BID: variants seen among roughly 807,000 people sequenced by gnomAD.
BID encodes BH3-interacting domain death agonist.
Under a neutral mutation model 17.4 loss-of-function variants are expected in BID, and 19 were observed. The ratio of observed to expected loss-of-function variants is 1.09; its 90% CI spans 0.76 to 1.60. BID has a LOEUF of 1.60. Among genes scored for constraint, BID ranks in the 40% most tolerant of loss-of-function variants. The probability of loss-of-function intolerance (pLI) is 0.00; values close to 1 mark genes in which losing one functional copy is unlikely to be tolerated. For synonymous variants in BID, 108 were observed against 102.8 expected (o/e 1.05, Z -0.31); for missense variants, 226 against 256.0 (o/e 0.88, Z 0.80).
rs945674317 is a variant in BID, at chr22:17,770,989, A to G, written c.-59+3392T>C. 9.2e-5 allele frequency among the ~76,000 whole-genome samples: 14 copies of G among 152,300 alleles called. 1 individual carries two copies. The highest frequency in any genetic ancestry group is 3.4e-3 in the Middle Eastern group (1 of 294). ...CTCCTCCCCTGGGGCCACAGCAGCC[A>G]CAGAGGCCACCCACGGCTTCCACTA... On this transcript the variant is annotated intron_variant, in intron 1 of 5. Coordinates refer to ENST00000622694, the MANE Select transcript of BID (RefSeq NM_001196.4).
At chr22:17,755,260 A>G (rs2061573735) in intron 1 of BID, among the ~76,000 whole-genome samples, 1 of 151,782 alleles carries the variant, frequency 6.6e-6, no homozygotes, top group South Asian at 2.1e-4. Flanking sequence ...ATTTAGGAAC[A>G]TCGTGCTGCT....
At chr22:17,751,364 G>C (rs2061538455) in intron 1 of BID, among the ~76,000 whole-genome samples, 1 of 150,832 alleles carries the variant, frequency 6.6e-6, no homozygotes, top group Admixed American at 6.6e-5. Context: ...GGGCGACAGA[G>C]CGAGACTCCG....
intron 2 of BID, among the ~76,000 whole-genome samples, chr22:17,747,640 A>C (rs2061503385): frequency 6.6e-6 from 1 of 152,140 alleles, no homozygotes; most frequent in South Asian, 2.1e-4. Context: ...ACTTTTGATA[A>C]AAGAATTGAT....
rs953937471 is a variant in BID, at chr22:17,769,882, C to T, written c.-59+4499G>A. On this transcript the variant is annotated intron_variant, in intron 1 of 5. Transcript: ENST00000622694. This position sits in a 1 kb window ranked among gnomAD's most constrained non-coding sequence, Gnocchi z 4.8. Reference sequence around the variant, plus strand: ...TACCAGGCCTGGTCACGTGGTGCCCCGCCAGGCTTGGGGGTGTGCACTTGC... The same window carrying T: ...TACCAGGCCTGGTCACGTGGTGCCCTGCCAGGCTTGGGGGTGTGCACTTGC... 2.6e-5 allele frequency among the ~76,000 whole-genome samples: 4 copies of T among 152,236 alleles called. No homozygotes were observed. Among genetic ancestry groups the T allele is most frequent in the South Asian group, 2.1e-4 (1 of 4,826 alleles).
At chr22:17,736,328 G>A (rs1250515382) in intron 5 of BID, among the ~76,000 whole-genome samples, 1 of 151,978 alleles carries the variant, frequency 6.6e-6, no homozygotes, top group African/African-American at 2.4e-5. Context: ...ATGGTGGTGT[G>A]TGCCTGTAAT....
intron 1 of BID, among the ~76,000 whole-genome samples, chr22:17,753,281 T>G (rs2145896663): frequency 6.6e-6 from 1 of 152,264 alleles, no homozygotes; most frequent in African/African-American, 2.4e-5. Flanking sequence ...ATGGGACATT[T>G]TCTATCAAAT....
At chr22:17,757,402 CAAA>C (rs34545330) in intron 1 of BID, among the ~76,000 whole-genome samples, 23 of 61,042 alleles carry the variant, frequency 3.8e-4, no homozygotes, top group East Asian at 5.4e-4. Context: ...GACCCTGTCC[CAAA>C]AAAAAAAAAA....
intron 1 of BID, among the ~76,000 whole-genome samples, chr22:17,759,014 C>T (rs1007391777): frequency 3.3e-5 from 5 of 152,070 alleles, no homozygotes; most frequent in Admixed American, 6.6e-5. Flanking sequence ...GGGCGGATCA[C>T]AAGGTCAAGA....
intron 1 of BID, among the ~76,000 whole-genome samples, chr22:17,767,345 C>T (rs186422356): frequency 6.6e-6 from 1 of 152,180 alleles, no homozygotes; most frequent in Admixed American, 6.5e-5. Flanking sequence ...GAATAGAGTT[C>T]CTCCAATTCA....
chr22:17,756,865 TGCC>T (rs1377999331), intron 1 of BID, among the ~76,000 whole-genome samples: 3 of 151,934 alleles, frequency 2.0e-5, no homozygotes, highest in South Asian at 2.1e-4. Flanking sequence ...TGAGCCACTA[TGCC>T]GGCCGCAAAG....
At chr22:17,771,061 C>G (rs1258054497) in intron 1 of BID, among the ~76,000 whole-genome samples, 1 of 152,224 alleles carries the variant, frequency 6.6e-6, no homozygotes, top group East Asian at 1.9e-4. Context: ...AAGTGACCAG[C>G]CCCCTTTCAG....
Position 17,769,337 on chromosome 22 carries a change from G to A in BID, c.-59+5044C>T, listed in dbSNP as rs3788284. ...AGCTGGGCTCCCTGCTCAGTTGGCC[G>A]GGTTTGGGGCTGGATGTCTGCAGGG... On this transcript the variant is annotated intron_variant, in intron 1 of 5. Transcript: ENST00000622694. The surrounding 1 kb of genome is among the most constrained non-coding windows in gnomAD (Gnocchi z 4.8). Among the ~76,000 whole-genome samples, 120 of 152,234 alleles carry A rather than the reference G, an allele frequency of 7.9e-4. No individual in the cohort carries two copies. The highest frequency in any genetic ancestry group is 2.7e-3 in the African/African-American group (114 of 41,538).
In BID at chr22:17,738,017, A is replaced by T; in HGVS notation, c.576T>A (p.Asn192Lys). Residue 192 changes from asparagine (N) to lysine (K), a missense_variant and splice_region_variant, in exon 5 of 6, where the codon AAT becomes AAA. Physicochemically the swap from Asn to Lys is moderately conservative, Grantham distance 94 (BLOSUM62 0). Transcript: ENST00000622694. ...LRTYVRSLARNGMD is the reference protein window; with the variant it reads ...LRTYVRSLARKGMD ...AGGAGCTGACCTCAAGGGTTCTTAC[A>T]TTTCTGGCTAAGCTCCTCACGTAGG... The T allele has an allele frequency of 6.2e-7, 1 of 1,614,022 alleles. No homozygotes were observed. The highest frequency in any genetic ancestry group is 8.5e-7 in the Non-Finnish European group (1 of 1,179,922).
rs575351241 is a variant in BID, at chr22:17,739,404, G to A, written c.308C>T (p.Pro103Leu). 1.5e-5 allele frequency: 24 copies of A among 1,610,778 alleles called. No individual in the cohort carries two copies. Among genetic ancestry groups the A allele is most frequent in the Non-Finnish European group, 1.9e-5 (22 of 1,179,624 alleles). Residue 103 changes from proline (P) to leucine (L), a missense_variant, in exon 4 of 6, where the codon CCG becomes CTG. Pro to Leu is a moderately conservative substitution (Grantham distance 98, BLOSUM62 -3). Transcript: ENST00000622694. ...CAGGGCCAGGCCGTTCACCAGGCCC[G>A]GAGGGATGCTACGGTCCATGCTGTC... ...VGDSMDRSIP[P>L]GLVNGLALQL...
intron 1 of BID, among the ~76,000 whole-genome samples, chr22:17,765,055 G>A (rs1398713521): frequency 6.6e-6 from 1 of 152,138 alleles, no homozygotes; most frequent in African/African-American, 2.4e-5. Flanking sequence ...CTGATGAGGG[G>A]TGGGGGTAGA....
intron 1 of BID, among the ~76,000 whole-genome samples, chr22:17,768,516 C>CCTGGTGAGCCT (rs1037679629): frequency 6.6e-6 from 1 of 152,154 alleles, no homozygotes; most frequent in Non-Finnish European, 1.5e-5. Flanking sequence ...CTCCAGAATC[C>CCTGGTGAGCCT]CTGGTGAGCC....
At chr22:17,755,086 T>C (rs373302976) in intron 1 of BID, among the ~76,000 whole-genome samples, 148 of 21,828 alleles carry the variant, frequency 6.8e-3, no homozygotes, top group Middle Eastern at 0.06. Flanking sequence ...TCTTTTCTTT[T>C]TTTTTTTTTT....
chr22:17,768,788 C>T (rs148280279), intron 1 of BID, among the ~76,000 whole-genome samples: 1,864 of 150,702 alleles, frequency 0.012, 38 homozygotes, highest in African/African-American at 0.043. Context: ...AGGAGAATGG[C>T]GTGAAACTCG....
rs2061479386 is a variant in BID at position 17,744,027 on chromosome 22, G to A, written c.13-14C>T. The stretch of plus-strand genomic sequence containing the variant: ...ACCGTTGTTGACCTGAGGGGAAAGG[G>A]GAGTCAGGAAGCCGGGACTTCAGCC... On this transcript the variant is annotated splice_polypyrimidine_tract_variant and intron_variant, in intron 2 of 5. Coordinates refer to ENST00000622694, the MANE Select transcript of BID (RefSeq NM_001196.4). 7.5e-6 allele frequency: 12 copies of A among 1,609,106 alleles called. No homozygotes were observed. The highest frequency in any genetic ancestry group is 8.5e-6 in the Non-Finnish European group (10 of 1,175,906).
Sources: allele counts gnomAD v4.1 joint callset (sites outside exome capture counted in the v4.1 genomes callset), GRCh38; gene constraint gnomAD v4.1.1; non-coding constraint Gnocchi (gnomAD v3.1); transcripts MANE v1.5; gene names NCBI Gene and HGNC (gene_info 2026-07-23, HGNC 2026-07-21).